Variants in PGM5 observed in about 807,000 individuals in gnomAD.
PGM5 encodes phosphoglucomutase 5.
In PGM5, 23 loss-of-function variants were observed where a neutral mutation model predicts 59.2. The ratio of observed to expected loss-of-function variants is 0.39; its 90% CI spans 0.28 to 0.55. PGM5 has a LOEUF of 0.55. Among genes scored for constraint, PGM5 ranks in the 20% least tolerant of loss-of-function variants. PGM5 has a pLI of 0.66. For missense variants in PGM5, 574 were observed against 748.3 expected, an observed-to-expected ratio of 0.77 and a Z score of 2.72; for synonymous variants, 214 against 286.0, an observed-to-expected ratio of 0.75 and a Z score of 2.54.
intron 6 of PGM5, chr9:68,395,794 C>T (rs1349146165): frequency 6.6e-6 from 1 of 152,038 alleles, no homozygotes; most frequent in African/African-American, 2.4e-5. Context: ...GGAGAAGAAT[C>T]ACCTACCTTT....
rs572799719 is a variant in PGM5, at chr9:68,527,489, A to C, written c.1615-2078A>C. Among the ~76,000 whole-genome samples, 17 of 152,296 alleles carry C rather than the reference A, an allele frequency of 1.1e-4. No homozygotes were observed. In the South Asian group the frequency reaches 3.5e-3, roughly 32 times the overall value. The stretch of plus-strand genomic sequence containing the variant: ...GAAGACAGGAAGAGGAGCAAAAACT[A>C]ATAATTGAATTTCTGTACAAAATGG... On this transcript the variant is annotated intron_variant, in intron 10 of 10. Transcript: ENST00000396396.
intron 6 of PGM5, among the ~76,000 whole-genome samples, chr9:68,448,690 A>G (rs113445321): frequency 3.9e-5 from 6 of 152,272 alleles, no homozygotes; most frequent in African/African-American, 1.4e-4. Flanking sequence ...TCATTGTTCA[A>G]TCAATAGGCA....
chr9:68,502,519 AAG>A (rs1554688736), intron 10 of PGM5, among the ~76,000 whole-genome samples: 28 of 152,278 alleles, frequency 1.8e-4, no homozygotes, highest in African/African-American at 5.8e-4. Context: ...AAGTTTTGTT[AAG>A]GGCTAGGAAA....
chr9:68,386,920 G>T (rs1190801231), intron 3 of PGM5, among the ~76,000 whole-genome samples: 1 of 151,956 alleles, frequency 6.6e-6, no homozygotes, highest in Non-Finnish European at 1.5e-5. Flanking sequence ...GATTGGGCAT[G>T]AATGAGATTT....
intron 4 of PGM5, among the ~76,000 whole-genome samples, chr9:68,388,728 T>C (rs1822290357): frequency 6.6e-6 from 1 of 152,166 alleles, no homozygotes; most frequent in Non-Finnish European, 1.5e-5. Context: ...CTTCAGAAGT[T>C]TGAGGGCATT....
chr9:68,471,698 C>A (rs879996681), intron 7 of PGM5, among the ~76,000 whole-genome samples: 4 of 151,234 alleles, frequency 2.6e-5, no homozygotes, highest in Non-Finnish European at 5.9e-5. Flanking sequence ...GGCGGGTGAA[C>A]TCCTGAGGTC....
intron 1 of PGM5, among the ~76,000 whole-genome samples, chr9:68,377,867 A>G: frequency 6.6e-6 from 1 of 152,144 alleles, no homozygotes; most frequent in Non-Finnish European, 1.5e-5. Context: ...ATAGTTTCTG[A>G]GTCAGTAGCA....
chr9:68,484,541 AACAC>A (rs72293391), intron 9 of PGM5, among the ~76,000 whole-genome samples: 1,833 of 131,990 alleles, frequency 0.014, 13 homozygotes, highest in Middle Eastern at 0.031. Context: ...CCATGTCTCA[AACAC>A]ACACACACAC....
intron 1 of PGM5, among the ~76,000 whole-genome samples, chr9:68,363,491 C>T (rs1382944093): frequency 2.6e-5 from 4 of 152,286 alleles, no homozygotes; most frequent in African/African-American, 4.8e-5. Flanking sequence ...CAGACTGTTA[C>T]AACCCAAAAG....
At chr9:68,492,358 G>T (rs908113467) in intron 9 of PGM5, among the ~76,000 whole-genome samples, 1 of 152,162 alleles carries the variant, frequency 6.6e-6, no homozygotes, top group Non-Finnish European at 1.5e-5. Context: ...TCAAGTCTTC[G>T]CCCTCCAGCA....
intron 6 of PGM5, among the ~76,000 whole-genome samples, chr9:68,399,878 T>A (rs1363394347): frequency 2.0e-5 from 3 of 152,116 alleles, no homozygotes; most frequent in African/African-American, 2.4e-5. Context: ...CTGAAAATTG[T>A]TTTTCCTGTG....
rs1824529724 is a variant in PGM5, at chr9:68,499,233, A to C, written c.1486A>C (p.Arg496=). The C allele has an allele frequency of 6.2e-7, 1 of 1,614,154 alleles. No homozygotes were observed. Among genetic ancestry groups the C allele is most frequent in the East Asian group, 2.2e-5 (1 of 44,880 alleles). The part of the protein sequence containing the change: ...DGTVTKKQGL[R]IIFSDASRLI... ...TGGATGTTCTTGGTCTCAGGGCCTA[A>C]GGATCATTTTCTCGGATGCATCACG... The change falls in exon 10 of 11, where the codon AGG becomes CGG. Residue 496 remains arginine (R), a synonymous_variant. Coordinates refer to ENST00000396396, the MANE Select transcript of PGM5 (RefSeq NM_021965.4).
At chr9:68,514,568 G>A (rs1277999348) in intron 10 of PGM5, among the ~76,000 whole-genome samples, 1 of 152,118 alleles carries the variant, frequency 6.6e-6, no homozygotes, top group African/African-American at 2.4e-5. Flanking sequence ...TTGCACCACT[G>A]CACTCCAGCT....
intron 10 of PGM5, among the ~76,000 whole-genome samples, chr9:68,509,529 G>A (rs1824710949): frequency 6.6e-6 from 1 of 152,222 alleles, no homozygotes; most frequent in Admixed American, 6.5e-5. Context: ...AACAGATGAT[G>A]AGATGACGGC....
intron 6 of PGM5, among the ~76,000 whole-genome samples, chr9:68,402,927 T>C (rs1554680790): frequency 6.6e-6 from 1 of 152,206 alleles, no homozygotes; most frequent in Non-Finnish European, 1.5e-5. Context: ...ATTGAAATAC[T>C]GCTTAAATGC....
chr9:68,527,597 G>A (rs937414486), intron 10 of PGM5, among the ~76,000 whole-genome samples: 1 of 152,176 alleles, frequency 6.6e-6, no homozygotes, highest in Non-Finnish European at 1.5e-5. Flanking sequence ...AGTGTAAAAT[G>A]TTTCTGGGCA....
intron 1 of PGM5, among the ~76,000 whole-genome samples, chr9:68,361,625 G>A (rs1474186056): frequency 2.6e-5 from 4 of 152,216 alleles, no homozygotes; most frequent in Non-Finnish European, 5.9e-5. Context: ...CCCTCACATA[G>A]TGGGAGAGAC....
intron 1 of PGM5, among the ~76,000 whole-genome samples, chr9:68,367,103 G>A (rs1834693270): frequency 6.6e-6 from 1 of 152,060 alleles, no homozygotes; most frequent in Non-Finnish European, 1.5e-5. Context: ...TCACACTCAT[G>A]CACACACAAA....
chr9:68,367,449 A>G (rs1554676790), intron 1 of PGM5, among the ~76,000 whole-genome samples: 1 of 152,202 alleles, frequency 6.6e-6, no homozygotes, highest in East Asian at 1.9e-4. Flanking sequence ...ACTCCACGCT[A>G]ATCTGCTGAG....
Sources: gnomAD v4.1 joint callset for allele counts (sites outside exome capture counted in the v4.1 genomes callset) on GRCh38, gnomAD v4.1.1 for gene constraint, MANE v1.5 for transcripts, NCBI Gene and HGNC (gene_info 2026-07-23, HGNC 2026-07-21) for gene names.